The following DOCK4 variants were observed in gnomAD, a reference collection of about 807,000 sequenced individuals.
DOCK4 encodes the protein dedicator of cytokinesis protein 4.
Under a neutral mutation model 268.1 loss-of-function variants are expected in DOCK4, and 97 were observed. That is an observed-to-expected ratio of 0.36 (90% confidence interval 0.31 to 0.43). The LOEUF is 0.43. DOCK4 is among the 20% of genes least tolerant of loss of function. The pLI, the probability that DOCK4 is intolerant of heterozygous loss-of-function variation, is 1.00. For synonymous variants in DOCK4, 954 were observed against 887.2 expected (o/e 1.08, Z -1.34); for missense variants, 2,145 against 2,455.7 (o/e 0.87, Z 2.67).
At chr7:112,101,627 C>G (rs978774487) in intron 1 of DOCK4, among the ~76,000 whole-genome samples, 1 of 152,202 alleles carries the variant, frequency 6.6e-6, no homozygotes, top group Non-Finnish European at 1.5e-5. Context: ...TTTTTAAACT[C>G]CATTACCTCA....
At chr7:111,797,086 C>T (rs997154872) in intron 30 of DOCK4, among the ~76,000 whole-genome samples, 3 of 152,076 alleles carry the variant, frequency 2.0e-5, no homozygotes, top group African/African-American at 7.2e-5. Context: ...CAGTTTACAC[C>T]CCTCTGAAGT....
At chr7:111,991,339 G>A (rs555613991) in intron 5 of DOCK4, among the ~76,000 whole-genome samples, 1 of 152,274 alleles carries the variant, frequency 6.6e-6, no homozygotes, top group Admixed American at 6.5e-5. Flanking sequence ...TTCTAAAACT[G>A]AACATCTGGT....
At chr7:111,914,361 C>T (rs1185238357) in intron 13 of DOCK4, among the ~76,000 whole-genome samples, 1 of 152,170 alleles carries the variant, frequency 6.6e-6, no homozygotes, top group Non-Finnish European at 1.5e-5. Context: ...CCACAGTGAT[C>T]CTGTGGCAAT....
intron 44 of DOCK4, among the ~76,000 whole-genome samples, chr7:111,742,827 A>G (rs575680016): frequency 6.6e-6 from 1 of 152,254 alleles, no homozygotes; most frequent in East Asian, 1.9e-4. Flanking sequence ...CGCTGTCTCT[A>G]CTAAAAATAC....
intron 13 of DOCK4, among the ~76,000 whole-genome samples, chr7:111,907,757 G>A (rs1452301018): frequency 1.3e-5 from 2 of 152,106 alleles, no homozygotes; most frequent in Non-Finnish European, 2.9e-5. Context: ...TTGATACAGA[G>A]TCTTACTGTC....
At chr7:112,184,415 T>C (rs551412685) in intron 1 of DOCK4, among the ~76,000 whole-genome samples, 4 of 152,344 alleles carry the variant, frequency 2.6e-5, no homozygotes, top group African/African-American at 7.2e-5. Context: ...TGCAGAGCTG[T>C]AGTCTCCACC....
At chr7:111,746,681 T>A (rs1387146503) in intron 43 of DOCK4, among the ~76,000 whole-genome samples, 1 of 152,184 alleles carries the variant, frequency 6.6e-6, no homozygotes, top group Non-Finnish European at 1.5e-5. Context: ...ATGGCTTGTA[T>A]CCTAAAACAA....
At chr7:111,997,854 AT>A (rs1399935815) in intron 4 of DOCK4, among the ~76,000 whole-genome samples, 19 of 152,276 alleles carry the variant, frequency 1.2e-4, no homozygotes, top group African/African-American at 4.3e-4. Context: ...GCTGTACCTT[AT>A]TGGAATTATG....
chr7:112,022,175 G>A (rs1276471357), intron 1 of DOCK4, among the ~76,000 whole-genome samples: 1 of 152,146 alleles, frequency 6.6e-6, no homozygotes, highest in African/African-American at 2.4e-5. Context: ...TATGTGTTTA[G>A]CGCGGTATAA....
chr7:111,858,265 A>G (rs1805180773), intron 23 of DOCK4, among the ~76,000 whole-genome samples: 1 of 152,184 alleles, frequency 6.6e-6, no homozygotes, highest in Admixed American at 6.5e-5. Flanking sequence ...AACCATGACT[A>G]TTCTGCAGCC....
At chr7:111,896,265 T>C (rs375750437) in intron 15 of DOCK4, among the ~76,000 whole-genome samples, 2 of 152,120 alleles carry the variant, frequency 1.3e-5, no homozygotes, top group South Asian at 2.1e-4. Flanking sequence ...GTTAGGCACG[T>C]TGAAAGACAA....
At chr7:111,768,132 T>C (rs1180146255) in intron 37 of DOCK4, among the ~76,000 whole-genome samples, 1 of 152,218 alleles carries the variant, frequency 6.6e-6, no homozygotes, top group East Asian at 1.9e-4. Context: ...CTTTGATTTC[T>C]TTCAACCATT....
In DOCK4 at chr7:112,066,708, T is replaced by C. The variant is rs554644701; in HGVS notation, c.38-62577A>G. ...ACATATACATATATATATATATATATATATATATATATATATATATATATA... is the reference window on the plus strand; with the variant it reads ...ACATATACATATATATATATATATACATATATATATATATATATATATATA... On this transcript the variant is annotated intron_variant, in intron 1 of 52. Coordinates refer to ENST00000428084, the MANE Select transcript of DOCK4 (RefSeq NM_001363540.2). 1.6e-3 allele frequency among the ~76,000 whole-genome samples: 115 copies of C among 70,232 alleles called. 3 individuals carry two copies. Among genetic ancestry groups the C allele is most frequent in the African/African-American group, 5.4e-3 (104 of 19,252 alleles). 46.1% of individuals were successfully genotyped at this position (70,232 alleles called of 152,430 possible).
intron 1 of DOCK4, among the ~76,000 whole-genome samples, chr7:112,129,661 T>C (rs2116074087): frequency 6.6e-6 from 1 of 152,286 alleles, no homozygotes; most frequent in African/African-American, 2.4e-5. Context: ...AATTTCTTCA[T>C]GTGGAAGTAG....
intron 1 of DOCK4, among the ~76,000 whole-genome samples, chr7:112,012,932 C>T (rs866212980): frequency 1.3e-5 from 2 of 152,046 alleles, no homozygotes; most frequent in African/African-American, 4.8e-5. Flanking sequence ...TCACTGCCAC[C>T]TCCACCTCGC....
intron 25 of DOCK4, among the ~76,000 whole-genome samples, chr7:111,836,865 A>T (rs1320885606): frequency 6.6e-6 from 1 of 152,172 alleles, no homozygotes; most frequent in African/African-American, 2.4e-5. Context: ...ATAAAAAGAA[A>T]AACAGAAAAA....
At chr7:111,738,174 G>GC (rs1314585948) in intron 49 of DOCK4, among the ~76,000 whole-genome samples, 2 of 152,208 alleles carry the variant, frequency 1.3e-5, no homozygotes, top group Non-Finnish European at 2.9e-5. Context: ...CTCCTGAAGT[G>GC]CCCAAGGGCT....
At chr7:111,751,738 C>G (rs1186639188) in intron 42 of DOCK4, among the ~76,000 whole-genome samples, 1 of 151,964 alleles carries the variant, frequency 6.6e-6, no homozygotes, top group African/African-American at 2.4e-5. Flanking sequence ...AGCCGCCATG[C>G]CTGGCCTAAA....
intron 31 of DOCK4, 126 bp downstream of exon 31, chr7:111,790,331 C>G: frequency 1.7e-6 from 2 of 1,153,264 alleles, no homozygotes; most frequent in Non-Finnish European, 2.4e-6. Flanking sequence ...AGTGGATAGG[C>G]CAGGCTGGAA....
Sources: gnomAD v4.1 joint callset for allele counts (sites outside exome capture counted in the v4.1 genomes callset) on GRCh38, gnomAD v4.1.1 for gene constraint, MANE v1.5 for transcripts, NCBI Gene and HGNC (gene_info 2026-07-23, HGNC 2026-07-21) for gene names.